The following ANO3 variants were observed in gnomAD, a reference collection of about 807,000 sequenced individuals.
ANO3 encodes the protein anoctamin 3.
Under a neutral mutation model 144.8 loss-of-function variants are expected in ANO3, and 99 were observed. The observed-to-expected ratio is 0.68, with a 90% CI of 0.58 to 0.81. The LOEUF (loss-of-function observed/expected upper bound fraction) is 0.81. ANO3 is among the 30% of genes least tolerant of loss of function. ANO3 has a pLI of 0.00. For missense variants in ANO3, 905 were observed against 1,202.2 expected, an observed-to-expected ratio of 0.75 and a Z score of 3.66; for synonymous variants, 414 against 392.6, an observed-to-expected ratio of 1.05 and a Z score of -0.64.
At chr11:26,351,649 T>A (rs920893930) in intron 1 of ANO3, among the ~76,000 whole-genome samples, 28 of 152,186 alleles carry the variant, frequency 1.8e-4, no homozygotes, top group African/African-American at 6.5e-4. Flanking sequence ...CAGAAGCAGC[T>A]GAATTGGTTA....
chr11:26,577,197 T>A (rs1263099529), intron 14 of ANO3, among the ~76,000 whole-genome samples: 1 of 152,156 alleles, frequency 6.6e-6, no homozygotes, highest in African/African-American at 2.4e-5. Context: ...TGGGTAGATA[T>A]GGTTTTGGTG....
At chr11:26,587,314 C>T (rs1393320849) in intron 14 of ANO3, among the ~76,000 whole-genome samples, 3 of 152,188 alleles carry the variant, frequency 2.0e-5, no homozygotes, top group Admixed American at 1.3e-4. Context: ...GGGTCGGCCC[C>T]AGCCTTTCCT....
chr11:26,658,110 ACTTGT>A lies in ANO3; in HGVS notation c.2763+1633_2763+1637del, dbSNP rs969437798. 5.0e-4 allele frequency among the ~76,000 whole-genome samples: 18 copies of A among 36,056 alleles called. No individual in the cohort carries two copies. The East Asian group carries it at 7.8e-3, about 16-fold the overall frequency. The allele number at this position is 36,056 out of a possible 152,430, so 23.7% of individuals were successfully genotyped here. A position where few individuals can be genotyped will look rare whatever the true frequency, so the allele number is the denominator to read the frequency against. ...GTGGTTTCATAGTTTCAGGACTTACACTTGTCTTTAATCCATTTGGTAAGAGATAG... is the reference window on the plus strand; with the variant it reads ...GTGGTTTCATAGTTTCAGGACTTACACTTTAATCCATTTGGTAAGAGATAG... On this transcript the variant is annotated intron_variant, in intron 26 of 26. Transcript: ENST00000256737.
At chr11:26,456,148 C>T (rs1859150452) in intron 3 of ANO3, among the ~76,000 whole-genome samples, 2 of 152,088 alleles carry the variant, frequency 1.3e-5, no homozygotes, top group South Asian at 4.1e-4. Flanking sequence ...CATTACCATT[C>T]AGGACATAGG....
At chr11:26,622,153 G>A (rs1852434035) in intron 17 of ANO3, among the ~76,000 whole-genome samples, 1 of 152,182 alleles carries the variant, frequency 6.6e-6, no homozygotes. Context: ...CTTGGATGAT[G>A]CAGGTTTGCA....
chr11:26,634,329 T>C lies in ANO3; in HGVS notation c.1985+14T>C. On this transcript the variant is annotated intron_variant, in intron 19 of 26. Transcript: ENST00000256737. ...CTTTTTGGGAAGGTAAGTCAACTTT[T>C]TGTACATTATCTTCGCAGAGTGAAA... The C allele has an allele frequency of 6.7e-7, 1 of 1,492,572 alleles. No homozygotes were observed. The highest frequency in any genetic ancestry group is 9.3e-7 in the Non-Finnish European group (1 of 1,069,716). 92.5% of individuals were successfully genotyped at this position (1,492,572 alleles called of 1,614,324 possible). A position where few individuals can be genotyped will look rare whatever the true frequency, so the allele number is the denominator to read the frequency against.
chr11:26,627,854 T>TGTGTGCGC (rs1262119961), intron 18 of ANO3, among the ~76,000 whole-genome samples: 7 of 139,588 alleles, frequency 5.0e-5, no homozygotes, highest in Non-Finnish European at 1.6e-5. Context: ...TGTGTGTGTG[T>TGTGTGCGC]GCGCCTGACA....
chr11:26,323,533 A>G (rs1485004620), intron 1 of ANO3, among the ~76,000 whole-genome samples: 1 of 152,094 alleles, frequency 6.6e-6, no homozygotes, highest in Non-Finnish European at 1.5e-5. Context: ...CTGTGATTCA[A>G]GAGACGTTGG....
At chr11:26,388,702 G>T (rs1856797857) in intron 1 of ANO3, among the ~76,000 whole-genome samples, 1 of 152,128 alleles carries the variant, frequency 6.6e-6, no homozygotes. Flanking sequence ...CATCATGACT[G>T]ATTTTTTATA....
At chr11:26,318,627 A>G (rs1248189830) in intron 1 of ANO3, among the ~76,000 whole-genome samples, 1 of 152,214 alleles carries the variant, frequency 6.6e-6, no homozygotes, top group Non-Finnish European at 1.5e-5. Context: ...AGAAGTTTGG[A>G]AGAGACTTTG....
intron 1 of ANO3, among the ~76,000 whole-genome samples, chr11:26,231,755 A>T (rs1355986325): frequency 1.3e-5 from 2 of 152,238 alleles, no homozygotes; most frequent in African/African-American, 2.4e-5. Context: ...TGAGCAAGGA[A>T]TGCGTCTACG....
chr11:26,442,482 A>G (rs1463081870), intron 2 of ANO3, among the ~76,000 whole-genome samples: 2 of 152,350 alleles, frequency 1.3e-5, no homozygotes, highest in East Asian at 1.9e-4. Context: ...TTTTCTAAAA[A>G]TAAAGGCTGA....
chr11:26,230,181 T>C (rs1195921216), intron 1 of ANO3, among the ~76,000 whole-genome samples: 1 of 152,190 alleles, frequency 6.6e-6, no homozygotes, highest in African/African-American at 2.4e-5. Flanking sequence ...AAACAGATTA[T>C]TTCTTTGTGA....
chr11:26,548,107 C>T (rs1437365397), intron 12 of ANO3, among the ~76,000 whole-genome samples: 6 of 151,938 alleles, frequency 3.9e-5, no homozygotes, highest in African/African-American at 1.2e-4. Flanking sequence ...CGTGACAAAA[C>T]GTAACATACT....
At chr11:26,567,054 CA>C in intron 14 of ANO3, 2 of 1,507,582 alleles carry the variant, frequency 1.3e-6, no homozygotes, top group Non-Finnish European at 1.8e-6. Context: ...ATACTTACAA[CA>C]ATCCCTTGAT....
intron 3 of ANO3, among the ~76,000 whole-genome samples, chr11:26,455,596 T>G (rs1859122138): frequency 6.6e-6 from 1 of 152,154 alleles, no homozygotes; most frequent in Non-Finnish European, 1.5e-5. Flanking sequence ...TGGAAGAACC[T>G]TCCATGCTCA....
At chr11:26,634,929 C>A in intron 19 of ANO3, 84 bp from the exon 20 acceptor site, 1 of 1,095,752 alleles carries the variant, frequency 9.1e-7, no homozygotes, top group Non-Finnish European at 1.4e-6. Context: ...TGTCTACCCA[C>A]ACATGCACTC....
At chr11:26,502,044 G>A (rs940507200) in intron 4 of ANO3, among the ~76,000 whole-genome samples, 8 of 152,082 alleles carry the variant, frequency 5.3e-5, no homozygotes, top group Non-Finnish European at 8.8e-5. Flanking sequence ...AAAATTATAC[G>A]TAAAGGACTT....
chr11:26,225,427 G>A (rs1301983898), intron 1 of ANO3, among the ~76,000 whole-genome samples: 1 of 151,968 alleles, frequency 6.6e-6, no homozygotes, highest in African/African-American at 2.4e-5. Flanking sequence ...GAAAAATAAC[G>A]TTATTTTTGT....
Sources: gnomAD v4.1 joint callset for allele counts (sites outside exome capture counted in the v4.1 genomes callset) on GRCh38, gnomAD v4.1.1 for gene constraint, MANE v1.5 for transcripts, NCBI Gene and HGNC (gene_info 2026-07-23, HGNC 2026-07-21) for gene names.